The following ABAT variants were observed in gnomAD, a reference collection of about 807,000 sequenced individuals.
ABAT encodes the protein 4-aminobutyrate aminotransferase.
ABAT carries 45 observed loss-of-function variants against 64.6 expected under a neutral mutation model. The ratio of observed to expected loss-of-function variants is 0.70; its 90% CI spans 0.55 to 0.89. ABAT has a LOEUF of 0.89. Ranked by LOEUF, ABAT falls within the 40% of genes least tolerant of loss-of-function variation. The pLI, the probability that ABAT is intolerant of heterozygous loss-of-function variation, is 0.00. For synonymous variants in ABAT, 297 were observed against 250.5 expected, an observed-to-expected ratio of 1.19 and a Z score of -1.75; for missense variants, 633 against 658.4, an observed-to-expected ratio of 0.96 and a Z score of 0.42.
chr16:8,707,967 T>C (rs1165877897), intron 1 of ABAT, among the ~76,000 whole-genome samples: 5 of 152,148 alleles, frequency 3.3e-5, no homozygotes, highest in African/African-American at 1.2e-4. Context: ...AGAGAATCTC[T>C]CTAGTACTTG....
chr16:8,724,796 C>T (rs115675742), intron 1 of ABAT, among the ~76,000 whole-genome samples: 252 of 146,774 alleles, frequency 1.7e-3, no homozygotes, highest in African/African-American at 6.0e-3. Context: ...GTCACACAGC[C>T]TGTAGCAGGT....
intron 2 of ABAT, chr16:8,738,596 T>C (rs2059054935): frequency 2.6e-6 from 1 of 384,258 alleles, no homozygotes; most frequent in South Asian, 2.0e-5. Flanking sequence ...TTTCCTTTTT[T>C]CTTTTTTGTT....
chr16:8,732,617 A>G (rs1421953028), intron 1 of ABAT, among the ~76,000 whole-genome samples: 1 of 151,512 alleles, frequency 6.6e-6, no homozygotes, highest in East Asian at 1.9e-4. Context: ...TCCCATGTCT[A>G]CTTCTTTCTA....
In ABAT at chr16:8,763,230, T is replaced by C. The variant is rs894058716; in HGVS notation, c.367-839T>C. On this transcript the variant is annotated intron_variant, in intron 6 of 15. Coordinates refer to ENST00000268251, the MANE Select transcript of ABAT (RefSeq NM_020686.6). Reference sequence around the variant, plus strand: ...GAGTGGCATCTAAAGTCAGTAAACCTAGATCCGAGTTGTGGTTCTGCCCCT... The same window carrying C: ...GAGTGGCATCTAAAGTCAGTAAACCCAGATCCGAGTTGTGGTTCTGCCCCT... Among the ~76,000 whole-genome samples, 4 of 151,966 alleles carry C rather than the reference T, an allele frequency of 2.6e-5. No homozygotes were observed. The East Asian group carries it at 7.7e-4, about 29-fold the overall frequency.
chr16:8,757,727 A>C (rs761182240), intron 5 of ABAT, 30 bp from the exon 6 acceptor site: 2 of 1,611,276 alleles, frequency 1.2e-6, no homozygotes, highest in Non-Finnish European at 1.7e-6. Flanking sequence ...GGATGCAATG[A>C]GGTCTCTAAC....
chr16:8,782,957 C>G lies in ABAT; in HGVS notation c.*1527C>G, dbSNP rs1006676644. The G allele has an allele frequency of 1.3e-5, 2 of 151,994 alleles. No individual in the cohort carries two copies. The highest frequency in any genetic ancestry group is 6.5e-5 in the Admixed American group (1 of 15,270). 9.4% of individuals were successfully genotyped at this position (151,994 alleles called of 1,614,324 possible). A position where few individuals can be genotyped will look rare whatever the true frequency, so the allele number is the denominator to read the frequency against. Reference sequence around the variant, plus strand: ...AGGGTTTTTTTTTTTAGCTTCCACTCTTCCGCAGACTTGGTCATCGACCTA... The same window carrying G: ...AGGGTTTTTTTTTTTAGCTTCCACTGTTCCGCAGACTTGGTCATCGACCTA... On this transcript the variant is annotated 3_prime_UTR_variant, in exon 16 of 16. Transcript: ENST00000268251.
intron 1 of ABAT, among the ~76,000 whole-genome samples, chr16:8,702,381 T>C (rs1403355047): frequency 6.6e-6 from 1 of 152,056 alleles, no homozygotes; most frequent in East Asian, 1.9e-4. Context: ...GCCTCCCAAG[T>C]AGCTGGGATT....
intron 8 of ABAT, 40 bp from the exon 9 acceptor site, chr16:8,766,168 C>G (rs1265081541): frequency 1.9e-6 from 3 of 1,604,094 alleles, no homozygotes; most frequent in Non-Finnish European, 2.6e-6. Context: ...CCGACTACCC[C>G]AGAGCATCTC....
intron 1 of ABAT, among the ~76,000 whole-genome samples, chr16:8,727,082 C>T (rs557902066): frequency 2.3e-4 from 35 of 152,158 alleles, no homozygotes; most frequent in African/African-American, 7.2e-4. Context: ...TTTTTATATT[C>T]TGGTTATTAA....
intron 5 of ABAT, among the ~76,000 whole-genome samples, chr16:8,754,062 T>C (rs1254023481): frequency 2.0e-5 from 3 of 151,484 alleles, no homozygotes; most frequent in Admixed American, 6.6e-5. Flanking sequence ...GCAAATGTAT[T>C]TGGATGGACA....
At chr16:8,757,316 T>C in intron 5 of ABAT, 1 of 372,408 alleles carries the variant, frequency 2.7e-6, no homozygotes, top group Non-Finnish European at 5.2e-6. Flanking sequence ...TACAGGCACG[T>C]GCTACCTCGC....
chr16:8,694,009 T>C (rs1245686938), intron 1 of ABAT, among the ~76,000 whole-genome samples: 2 of 152,030 alleles, frequency 1.3e-5, no homozygotes, highest in Non-Finnish European at 2.9e-5. Flanking sequence ...TTAATTTTAA[T>C]TTTTTTATTC....
At chr16:8,732,849 G>T (rs2058777070) in intron 1 of ABAT, among the ~76,000 whole-genome samples, 1 of 150,854 alleles carries the variant, frequency 6.6e-6, no homozygotes, top group African/African-American at 2.5e-5. Flanking sequence ...CCGGGCAGAG[G>T]GGCTCCTCAC....
intron 1 of ABAT, among the ~76,000 whole-genome samples, chr16:8,724,973 G>T (rs2058500988): frequency 6.7e-6 from 1 of 149,954 alleles, no homozygotes; most frequent in South Asian, 2.1e-4. Context: ...CTGGAGTGCA[G>T]TGGCGCCATC....
At chr16:8,699,030 G>T (rs1488124609) in intron 1 of ABAT, among the ~76,000 whole-genome samples, 3 of 152,188 alleles carry the variant, frequency 2.0e-5, no homozygotes, top group African/African-American at 7.2e-5. Context: ...CTTGCTCTCA[G>T]TCTTTGGGGT....
intron 1 of ABAT, among the ~76,000 whole-genome samples, chr16:8,682,795 C>G (rs754217777): frequency 6.6e-6 from 1 of 152,152 alleles, no homozygotes; most frequent in Non-Finnish European, 1.5e-5. Flanking sequence ...AAAGTGTGGT[C>G]CAGCGGCCAG....
At position 8,776,905 on chromosome 16, in the gene ABAT, C is replaced by T. The variant is rs1657081; in HGVS notation, c.1269+415C>T. 0.86 allele frequency among the ~76,000 whole-genome samples: 130,075 copies of T among 151,838 alleles called. 57,261 individuals are homozygous for T. The highest frequency in any genetic ancestry group is 0.99 in the East Asian group (5,070 of 5,146). ...ATTTATTTTATTTTATTTTATTTGT[C>T]TATTTATTTTTTGAGACCAAGTCTT... On this transcript the variant is annotated intron_variant, in intron 14 of 15. Coordinates refer to ENST00000268251, the MANE Select transcript of ABAT (RefSeq NM_020686.6). The surrounding 1 kb of genome is among the most constrained non-coding windows in gnomAD (Gnocchi z 4.4).
At chr16:8,700,994 G>C (rs2057810050) in intron 1 of ABAT, among the ~76,000 whole-genome samples, 1 of 150,508 alleles carries the variant, frequency 6.6e-6, no homozygotes. Context: ...CTGCAGTGCA[G>C]TGCTGCAATC....
intron 1 of ABAT, among the ~76,000 whole-genome samples, chr16:8,702,264 TC>T (rs377676401): frequency 0.028 from 4,198 of 150,344 alleles, 91 homozygotes; most frequent in South Asian, 0.1. Flanking sequence ...GGTGCTGCAC[TC>T]TTTTTTTTTT....
Sources: allele counts gnomAD v4.1 joint callset (sites outside exome capture counted in the v4.1 genomes callset), GRCh38; gene constraint gnomAD v4.1.1; non-coding constraint Gnocchi (gnomAD v3.1); transcripts MANE v1.5; gene names NCBI Gene and HGNC (gene_info 2026-07-23, HGNC 2026-07-21).